POLR3E: variants seen among roughly 807,000 people sequenced by gnomAD.
POLR3E encodes the protein DNA-directed RNA polymerase III subunit RPC5.
Under a neutral mutation model 96.6 loss-of-function variants are expected in POLR3E, and 41 were observed. That is an observed-to-expected ratio of 0.42 (90% CI 0.33 to 0.55). The LOEUF is 0.55. Ranked by LOEUF, POLR3E falls within the 20% of genes least tolerant of loss-of-function variation. POLR3E has a pLI of 0.06. For missense variants in POLR3E, 849 were observed against 952.1 expected (o/e 0.89, Z 1.43); for synonymous variants, 396 against 383.6 (o/e 1.03, Z -0.38).
rs370825936 is a variant in POLR3E at position 22,313,614 on chromosome 16, C to T, written c.365-6C>T. 186 of 1,598,796 alleles carry T rather than the reference C, an allele frequency of 1.2e-4. No homozygotes were observed. The highest frequency in any genetic ancestry group is 6.8e-4 in the African/African-American group (51 of 74,608). On this transcript the variant is annotated splice_polypyrimidine_tract_variant and splice_region_variant and intron_variant, in intron 6 of 20. Coordinates refer to ENST00000299853, the MANE Select transcript of POLR3E (RefSeq NM_018119.4). This position sits in a 1 kb window ranked among gnomAD's most constrained non-coding sequence, Gnocchi z 4.1. ...AGTTGAGTCCAAGCCCTTCTTCCTC[C>T]GCCAGGTGAGCTCCACCTGACACCT...
chr16:22,305,014 A>G (rs1247951740), intron 2 of POLR3E, 142 bp from the exon 3 acceptor site: 2 of 731,240 alleles, frequency 2.7e-6, no homozygotes, highest in South Asian at 3.0e-5. Flanking sequence ...GCTTGCTTTT[A>G]GCATGAGCTG....
chr16:22,329,718 A>G (rs1330959308), intron 19 of POLR3E, among the ~76,000 whole-genome samples: 1 of 152,242 alleles, frequency 6.6e-6, no homozygotes, highest in Non-Finnish European at 1.5e-5. Flanking sequence ...TTAAACATCA[A>G]ATCAGACTAG....
At chr16:22,303,381 C>T (rs1269325197) in intron 2 of POLR3E, among the ~76,000 whole-genome samples, 1 of 152,184 alleles carries the variant, frequency 6.6e-6, no homozygotes, top group Non-Finnish European at 1.5e-5. Context: ...TGCCGCAAAG[C>T]CGAGTATAGT....
At position 22,333,673 on chromosome 16, in the gene POLR3E, G is replaced by T. The variant is rs780614164; in HGVS notation, c.2100G>T (p.Trp700Cys). The T allele has an allele frequency of 1.2e-6, 2 of 1,611,446 alleles. No individual in the cohort carries two copies. The highest frequency in any genetic ancestry group is 8.5e-7 in the Non-Finnish European group (1 of 1,177,574). Residue 700 changes from tryptophan (W) to cysteine (C), a missense_variant, in exon 21 of 21, where the codon TGG (tryptophan) becomes TGT (cysteine). Transcript: ENST00000299853. ...KDCCVSYGGM[W>C]YLKGTVQS ...GCTGTGTAAGCTATGGTGGCATGTGGTACCTTAAAGGGACAGTACAGTCTT... is the reference window on the plus strand; with the variant it reads ...GCTGTGTAAGCTATGGTGGCATGTGTTACCTTAAAGGGACAGTACAGTCTT...
intron 6 of POLR3E, chr16:22,310,158 C>T (rs1450432594): frequency 6.5e-6 from 1 of 153,300 alleles, no homozygotes; most frequent in Non-Finnish European, 1.5e-5. Flanking sequence ...CGACCACATA[C>T]TCAACGGTGG....
At chr16:22,298,414 T>A (rs993171534) in intron 1 of POLR3E, among the ~76,000 whole-genome samples, 4 of 152,322 alleles carry the variant, frequency 2.6e-5, no homozygotes, top group African/African-American at 9.6e-5. Context: ...TCCCAGAGGT[T>A]ACGTTTATTA....
At chr16:22,328,485 C>T (rs1484418920) in intron 18 of POLR3E, 25 bp from the exon 19 acceptor site, 2 of 1,598,392 alleles carry the variant, frequency 1.3e-6, no homozygotes, top group South Asian at 2.2e-5. Context: ...GATGGACAAG[C>T]AACTCACCCC....
intron 9 of POLR3E, among the ~76,000 whole-genome samples, 178 bp downstream of exon 9, chr16:22,315,386 C>G (rs2048333097): frequency 6.6e-6 from 1 of 152,162 alleles, no homozygotes; most frequent in Non-Finnish European, 1.5e-5. Flanking sequence ...AGCGTGGGCC[C>G]CAGGAGAGCA....
chr16:22,332,297 C>A, intron 20 of POLR3E, 112 bp downstream of exon 20: 1 of 921,498 alleles, frequency 1.1e-6, no homozygotes, highest in Non-Finnish European at 1.6e-6. Flanking sequence ...TCCTTGGGAC[C>A]ACTCCCCAGT....
intron 5 of POLR3E, 36 bp downstream of exon 5, chr16:22,309,076 G>C: frequency 6.9e-7 from 1 of 1,452,594 alleles, no homozygotes; most frequent in Non-Finnish European, 9.6e-7. Flanking sequence ...CGGTTTCCCT[G>C]CGTTCACACA....
At chr16:22,327,649 G>A (rs983510418) in intron 18 of POLR3E, 2 of 152,168 alleles carry the variant, frequency 1.3e-5, no homozygotes, top group African/African-American at 4.8e-5. Flanking sequence ...AGAGACCTCC[G>A]ATCCCAGCCA....
chr16:22,315,086 C>T lies in POLR3E; in HGVS notation c.523-3C>T. 1 of 1,613,068 alleles carries T rather than the reference C, an allele frequency of 6.2e-7. No individual in the cohort carries two copies. The highest frequency in any genetic ancestry group is 2.2e-5 in the East Asian group (1 of 44,868). On this transcript the variant is annotated splice_region_variant and splice_polypyrimidine_tract_variant and intron_variant, in intron 8 of 20. Transcript: ENST00000299853. ...GTATGACCTCTTCCCCTTCCCACCG[C>T]AGGTGCGGTTCTCCCGGCCGGAGTC... is the stretch of plus-strand genomic sequence containing the variant.
chr16:22,319,210 T>C (rs1355668635), intron 13 of POLR3E, among the ~76,000 whole-genome samples: 1 of 151,640 alleles, frequency 6.6e-6, no homozygotes, highest in African/African-American at 2.4e-5. Flanking sequence ...TGACCTCAAG[T>C]GATCCACCCA....
intron 19 of POLR3E, 87 bp downstream of exon 19, chr16:22,328,674 G>A (rs1567332311): frequency 9.7e-7 from 1 of 1,026,436 alleles, no homozygotes; most frequent in Admixed American, 1.7e-5. Context: ...TGCACCCAAA[G>A]TGCAGCCACA....
chr16:22,332,711 T>A (rs147243988), intron 20 of POLR3E, among the ~76,000 whole-genome samples: 4 of 152,270 alleles, frequency 2.6e-5, no homozygotes, highest in African/African-American at 9.6e-5. Flanking sequence ...CACATGACTT[T>A]CAGTAGAATC....
intron 18 of POLR3E, chr16:22,326,623 G>T: frequency 2.4e-6 from 1 of 409,244 alleles, no homozygotes; most frequent in South Asian, 2.5e-5. Flanking sequence ...GCCATTGTTT[G>T]GAATGATTTA....
chr16:22,329,522 T>G (rs994922936), intron 19 of POLR3E, among the ~76,000 whole-genome samples: 1 of 151,406 alleles, frequency 6.6e-6, no homozygotes, highest in Non-Finnish European at 1.5e-5. Flanking sequence ...GAGAAGGGAG[T>G]CAGCAGAAAT....
Position 22,303,128 on chromosome 16 carries a change from C to T in POLR3E, c.36+124C>T, listed in dbSNP as rs570112238. 6.2e-5 allele frequency: 56 copies of T among 903,504 alleles called. No homozygotes were observed. The Middle Eastern group carries it at 7.4e-4, about 12-fold the overall frequency. 56.0% of individuals were successfully genotyped at this position (903,504 alleles called of 1,614,324 possible). A position where few individuals can be genotyped will look rare whatever the true frequency, so the allele number is the denominator to read the frequency against. On this transcript the variant is annotated intron_variant, in intron 2 of 20. Transcript: ENST00000299853. ...TGGGACCCCTAACCCTTGCTGTTCCCTCTGCCTGGTCCCCTCTGCTGTCCC... is the reference window on the plus strand; with the variant it reads ...TGGGACCCCTAACCCTTGCTGTTCCTTCTGCCTGGTCCCCTCTGCTGTCCC...
intron 2 of POLR3E, among the ~76,000 whole-genome samples, chr16:22,303,653 T>TTTTTTTTTTTTTTTTTTTTTTTTTTTG (rs2048073318): frequency 6.8e-6 from 1 of 146,150 alleles, no homozygotes; most frequent in African/African-American, 2.7e-5. Context: ...TTTTTTTTTT[T>TTTTTTTTTTTTTTTTTTTTTTTTTTTG]TTTTGGAGAC....
Sources: allele counts gnomAD v4.1 joint callset (sites outside exome capture counted in the v4.1 genomes callset), GRCh38; gene constraint gnomAD v4.1.1; non-coding constraint Gnocchi (gnomAD v3.1); transcripts MANE v1.5; gene names NCBI Gene and HGNC (gene_info 2026-07-23, HGNC 2026-07-21).